Variants in TNFRSF8 observed in about 807,000 individuals in gnomAD.
TNFRSF8 encodes tumor necrosis factor receptor superfamily member 8.
Under a neutral mutation model 70.8 loss-of-function variants are expected in TNFRSF8, and 26 were observed. That is an observed-to-expected ratio of 0.37 (90% CI 0.27 to 0.51). TNFRSF8 has a LOEUF of 0.51. TNFRSF8 is among the 20% of genes least tolerant of loss of function. TNFRSF8 has a pLI of 0.94. For synonymous variants in TNFRSF8, 356 were observed against 339.2 expected, an observed-to-expected ratio of 1.05 and a Z score of -0.54; for missense variants, 720 against 807.9, an observed-to-expected ratio of 0.89 and a Z score of 1.32.
chr1:12,130,815 C>G (rs1227768945), intron 12 of TNFRSF8, among the ~76,000 whole-genome samples: 1 of 152,200 alleles, frequency 6.6e-6, no homozygotes, highest in African/African-American at 2.4e-5. Context: ...TTCCAAAAGG[C>G]AAGGAAACCA....
At chr1:12,076,576 G>T (rs1640971501) in intron 1 of TNFRSF8, among the ~76,000 whole-genome samples, 1 of 152,058 alleles carries the variant, frequency 6.6e-6, no homozygotes, top group Non-Finnish European at 1.5e-5. Context: ...CTGTCTTTGG[G>T]TTTTATCTCC....
chr1:12,122,468 G>A (rs1021115052), intron 8 of TNFRSF8, among the ~76,000 whole-genome samples: 8 of 151,864 alleles, frequency 5.3e-5, no homozygotes, highest in African/African-American at 1.7e-4. Flanking sequence ...TCAACATGGT[G>A]AAACCCTGTT....
At position 12,073,622 on chromosome 1, in the gene TNFRSF8, C is replaced by G. The variant is rs531613854; in HGVS notation, c.63+9961C>G. On this transcript the variant is annotated intron_variant, in intron 1 of 14. Transcript: ENST00000263932. ...TTTTTTTTCATTTTCTTGACAGAGTCTCACTCTGTCGCCCAGGCTGGAGTG... is the reference window on the plus strand; with the variant it reads ...TTTTTTTTCATTTTCTTGACAGAGTGTCACTCTGTCGCCCAGGCTGGAGTG... Among the ~76,000 whole-genome samples, 5 of 144,934 alleles carry G rather than the reference C, an allele frequency of 3.4e-5. No individual in the cohort carries two copies. The East Asian group carries it at 1.0e-3, about 29-fold the overall frequency.
intron 2 of TNFRSF8, among the ~76,000 whole-genome samples, chr1:12,092,941 G>A (rs113124338): frequency 0.011 from 1,653 of 152,208 alleles, 28 homozygotes; most frequent in African/African-American, 0.037. Flanking sequence ...GAGTAGCTGG[G>A]ATTACAGGCA....
chr1:12,133,910 G>A (rs933817617), intron 12 of TNFRSF8, among the ~76,000 whole-genome samples: 8 of 151,966 alleles, frequency 5.3e-5, no homozygotes, highest in African/African-American at 1.2e-4. Flanking sequence ...AAAATTAGCC[G>A]GGCGTGGTGG....
chr1:12,067,561 C>T (rs1032587798), intron 1 of TNFRSF8, among the ~76,000 whole-genome samples: 22 of 151,912 alleles, frequency 1.4e-4, no homozygotes, highest in Non-Finnish European at 2.4e-4. Context: ...TGGTGGCAGG[C>T]GCCTGTAATC....
chr1:12,130,033 T>C (rs1642019768), intron 12 of TNFRSF8, among the ~76,000 whole-genome samples: 1 of 152,112 alleles, frequency 6.6e-6, no homozygotes, highest in Admixed American at 6.6e-5. Flanking sequence ...GCCTCCCAAG[T>C]GGCTGGGATT....
At chr1:12,086,907 A>T (rs1641161736) in intron 2 of TNFRSF8, among the ~76,000 whole-genome samples, 1 of 151,994 alleles carries the variant, frequency 6.6e-6, no homozygotes. Flanking sequence ...CTCCAAATAC[A>T]GTCACACTGG....
intron 1 of TNFRSF8, among the ~76,000 whole-genome samples, chr1:12,066,757 A>T (rs1640748744): frequency 1.3e-5 from 2 of 151,828 alleles, no homozygotes; most frequent in African/African-American, 4.8e-5. Context: ...GGTTCAAGTG[A>T]TTCTCCTGCC....
At chr1:12,136,297 G>A (rs757996127) in intron 13 of TNFRSF8, among the ~76,000 whole-genome samples, 2 of 152,132 alleles carry the variant, frequency 1.3e-5, no homozygotes, top group African/African-American at 4.8e-5. Flanking sequence ...CAATTTGTAA[G>A]GTAATCAAAT....
intron 3 of TNFRSF8, among the ~76,000 whole-genome samples, chr1:12,098,434 A>G (rs1641367147): frequency 6.6e-6 from 1 of 152,196 alleles, no homozygotes; most frequent in Non-Finnish European, 1.5e-5. Context: ...GATAACTACT[A>G]TTATCATTAG....
intron 1 of TNFRSF8, among the ~76,000 whole-genome samples, chr1:12,074,831 C>T (rs567001595): frequency 4.4e-4 from 67 of 152,270 alleles, no homozygotes; most frequent in African/African-American, 1.6e-3. Context: ...CTCTGTTGCC[C>T]AGGCTGGAGT....
chr1:12,084,036 T>C (rs1324647158), intron 1 of TNFRSF8, among the ~76,000 whole-genome samples: 1 of 152,210 alleles, frequency 6.6e-6, no homozygotes, highest in East Asian at 1.9e-4. Context: ...CAGTTGGCTG[T>C]AACTTGAGAT....
At chr1:12,101,741 C>T (rs771098921) in intron 3 of TNFRSF8, among the ~76,000 whole-genome samples, 1 of 152,038 alleles carries the variant, frequency 6.6e-6, no homozygotes, top group African/African-American at 2.4e-5. Context: ...AGTGCAATGG[C>T]GCAATCTCGG....
intron 2 of TNFRSF8, among the ~76,000 whole-genome samples, chr1:12,086,029 G>C (rs1211859189): frequency 6.6e-6 from 1 of 152,232 alleles, no homozygotes; most frequent in Non-Finnish European, 1.5e-5. Flanking sequence ...CATTGCAAGT[G>C]GGCGGGCATC....
chr1:12,094,476 C>T (rs1641296268), intron 2 of TNFRSF8, among the ~76,000 whole-genome samples: 1 of 152,130 alleles, frequency 6.6e-6, no homozygotes, highest in South Asian at 2.1e-4. Flanking sequence ...CCTCACTAGC[C>T]ATGGTAAGGA....
intron 12 of TNFRSF8, among the ~76,000 whole-genome samples, chr1:12,134,413 C>T (rs1417855875): frequency 6.6e-6 from 1 of 152,196 alleles, no homozygotes; most frequent in African/African-American, 2.4e-5. Context: ...CGGATGCCCT[C>T]TCACCTTTCT....
At chr1:12,139,369 C>T (rs1642213908) in intron 14 of TNFRSF8, among the ~76,000 whole-genome samples, 1 of 152,146 alleles carries the variant, frequency 6.6e-6, no homozygotes, top group Non-Finnish European at 1.5e-5. Flanking sequence ...TGGGAGCTAC[C>T]CCCTCGCCTG....
Position 12,073,337 on chromosome 1 carries a change from G to A in TNFRSF8, c.63+9676G>A, listed in dbSNP as rs558610867. On this transcript the variant is annotated intron_variant, in intron 1 of 14. Coordinates refer to ENST00000263932, the MANE Select transcript of TNFRSF8 (RefSeq NM_001243.5). Reference sequence around the variant, plus strand: ...AGCAACTGGCCTGAGGCTGGCGCAGGAACCTAAGGCACCTCCAAGAGGATC... The same window carrying A: ...AGCAACTGGCCTGAGGCTGGCGCAGAAACCTAAGGCACCTCCAAGAGGATC... Among the ~76,000 whole-genome samples the A allele has an allele frequency of 6.4e-4, 98 of 152,238 alleles. 2 individuals carry two copies. Among genetic ancestry groups the A allele is most frequent in the South Asian group, 5.6e-3 (27 of 4,822 alleles).
Sources: gnomAD v4.1 joint callset for allele counts (sites outside exome capture counted in the v4.1 genomes callset) on GRCh38, gnomAD v4.1.1 for gene constraint, MANE v1.5 for transcripts, NCBI Gene and HGNC (gene_info 2026-07-23, HGNC 2026-07-21) for gene names.